The following VAPA variants were observed in gnomAD, a reference collection of about 807,000 sequenced individuals.
The protein encoded by VAPA is VAMP associated protein A.
Under a neutral mutation model 25.6 loss-of-function variants are expected in VAPA, and 6 were observed. The ratio of observed to expected loss-of-function variants is 0.23; its 90% CI spans 0.13 to 0.46. The LOEUF (loss-of-function observed/expected upper bound fraction) is 0.46. VAPA is among the 20% of genes least tolerant of loss of function. VAPA has a pLI of 0.99. For synonymous variants in VAPA, 112 were observed against 106.2 expected (o/e 1.05, Z -0.34); for missense variants, 244 against 302.1 (o/e 0.81, Z 1.43).
intron 4 of VAPA, among the ~76,000 whole-genome samples, chr18:9,942,707 C>G (rs2069378264): frequency 6.6e-6 from 1 of 152,178 alleles, no homozygotes; most frequent in African/African-American, 2.4e-5. Context: ...AGATGCCTCA[C>G]GTGGTGGGAA....
chr18:9,920,293 T>TTTTC (rs919471409), intron 1 of VAPA, among the ~76,000 whole-genome samples: 1 of 152,160 alleles, frequency 6.6e-6, no homozygotes, highest in Admixed American at 6.5e-5. Context: ...TCTCCTTTTC[T>TTTTC]TTTCTTTCTT....
At chr18:9,953,960 A>C in intron 5 of VAPA, 93 bp from the exon 6 acceptor site, 1 of 1,496,466 alleles carries the variant, frequency 6.7e-7, no homozygotes, top group African/African-American at 1.4e-5. Context: ...GGCAACCACT[A>C]ATCTACTTTC....
chr18:9,944,095 C>T (rs991610128), intron 4 of VAPA, among the ~76,000 whole-genome samples: 8 of 151,784 alleles, frequency 5.3e-5, no homozygotes, highest in African/African-American at 9.7e-5. Context: ...GTGATCCGCC[C>T]GCCTTGGCCT....
intron 2 of VAPA, among the ~76,000 whole-genome samples, chr18:9,934,581 C>T (rs2069289086): frequency 6.6e-6 from 1 of 152,124 alleles, no homozygotes; most frequent in South Asian, 2.1e-4. Context: ...GACTTTATTA[C>T]ATAATTATTT....
chr18:9,933,266 A>G (rs895049082), intron 2 of VAPA, among the ~76,000 whole-genome samples: 2 of 152,136 alleles, frequency 1.3e-5, no homozygotes. Flanking sequence ...GCCTGACTAC[A>G]AAGGCCATGA....
At chr18:9,945,053 CAGA>C (rs943864704) in intron 4 of VAPA, 2 of 1,613,758 alleles carry the variant, frequency 1.2e-6, no homozygotes. Flanking sequence ...ACAGGAGAAA[CAGA>C]AGGTTTGTTA....
chr18:9,936,581 A>C (rs2069312937), intron 3 of VAPA: 1 of 200,496 alleles, frequency 5.0e-6, no homozygotes, highest in Non-Finnish European at 9.9e-6. Context: ...AAACAAAAAA[A>C]ACCACCACAA....
chr18:9,932,426 C>T (rs1599104855), intron 2 of VAPA, among the ~76,000 whole-genome samples: 2 of 152,196 alleles, frequency 1.3e-5, no homozygotes, highest in Non-Finnish European at 2.9e-5. Context: ...TAAATGTCAA[C>T]AGTGTCCTGT....
At chr18:9,946,351 A>G (rs558616660) in intron 4 of VAPA, among the ~76,000 whole-genome samples, 4 of 151,902 alleles carry the variant, frequency 2.6e-5, no homozygotes, top group African/African-American at 9.7e-5. Flanking sequence ...GTGTATCGAA[A>G]CAATCTACAC....
chr18:9,942,413 G>C (rs1210172000), intron 4 of VAPA, among the ~76,000 whole-genome samples: 1 of 152,102 alleles, frequency 6.6e-6, no homozygotes, highest in Non-Finnish European at 1.5e-5. Flanking sequence ...GAGATAACAA[G>C]TCTTGAACTT....
At chr18:9,935,283 A>G (rs2069297466) in intron 2 of VAPA, among the ~76,000 whole-genome samples, 1 of 152,098 alleles carries the variant, frequency 6.6e-6, no homozygotes, top group Admixed American at 6.6e-5. Flanking sequence ...TATTAAAACA[A>G]TATATGGGCT....
At chr18:9,945,981 A>G (rs1001101255) in intron 4 of VAPA, among the ~76,000 whole-genome samples, 2 of 151,670 alleles carry the variant, frequency 1.3e-5, no homozygotes, top group Non-Finnish European at 1.5e-5. Context: ...TTTATCCATC[A>G]CTCCTGTTAG....
chr18:9,923,740 A>G (rs1292308692), intron 1 of VAPA, among the ~76,000 whole-genome samples: 1 of 152,196 alleles, frequency 6.6e-6, no homozygotes, highest in Non-Finnish European at 1.5e-5. Flanking sequence ...AAACCTCACT[A>G]ACAACAGATC....
chr18:9,938,316 A>G (rs1449165948), intron 4 of VAPA, among the ~76,000 whole-genome samples: 1 of 152,176 alleles, frequency 6.6e-6, no homozygotes, highest in African/African-American at 2.4e-5. Flanking sequence ...ACACTTTGAG[A>G]TGTGTGAAAA....
intron 1 of VAPA, among the ~76,000 whole-genome samples, chr18:9,930,940 A>C (rs904252755): frequency 3.9e-5 from 6 of 152,152 alleles, no homozygotes; most frequent in African/African-American, 1.4e-4. Context: ...AAAATTTTAA[A>C]AGACATGCTT....
intron 1 of VAPA, among the ~76,000 whole-genome samples, chr18:9,920,999 G>A (rs879845314): frequency 3.3e-5 from 5 of 152,210 alleles, no homozygotes; most frequent in African/African-American, 4.8e-5. Flanking sequence ...TGTAATAACA[G>A]TACTTTCACA....
rs2069142126 is a variant in VAPA at position 9,919,878 on chromosome 18, AAG to A, written c.79+5547_79+5548del. On this transcript the variant is annotated intron_variant, in intron 1 of 5. Coordinates refer to ENST00000400000, the MANE Select transcript of VAPA (RefSeq NM_194434.3). ...ATGTAAAATTATACTAGAGGGGAGA[AAG>A]AGATGAATTAGGCGGCTGCAGCAGT... Among the ~76,000 whole-genome samples the A allele has an allele frequency of 2.6e-5, 4 of 152,298 alleles. No individual in the cohort carries two copies. The South Asian group carries it at 8.3e-4, about 32-fold the overall frequency.
chr18:9,919,331 C>T (rs745563601), intron 1 of VAPA, among the ~76,000 whole-genome samples: 2 of 152,128 alleles, frequency 1.3e-5, no homozygotes, highest in Non-Finnish European at 2.9e-5. Flanking sequence ...TTTTAAAATT[C>T]ATTCAATTAT....
intron 1 of VAPA, among the ~76,000 whole-genome samples, chr18:9,921,946 A>G (rs1363107184): frequency 6.6e-6 from 1 of 152,102 alleles, no homozygotes; most frequent in African/African-American, 2.4e-5. Flanking sequence ...TTTTACTATA[A>G]TCATACGTGT....
Sources: gnomAD v4.1 joint callset for allele counts (sites outside exome capture counted in the v4.1 genomes callset) on GRCh38, gnomAD v4.1.1 for gene constraint, MANE v1.5 for transcripts, NCBI Gene and HGNC (gene_info 2026-07-23, HGNC 2026-07-21) for gene names.